The following RBFOX1 variants were observed in gnomAD, a reference collection of about 807,000 sequenced individuals.
RBFOX1 encodes the protein RNA binding fox-1 homolog 1, also known as RNA binding protein fox-1 homolog 1.
RBFOX1 carries 8 observed loss-of-function variants against 57.7 expected under a neutral mutation model. The observed-to-expected ratio is 0.14, with a 90% CI of 0.08 to 0.25. RBFOX1 has a LOEUF of 0.25. Among genes scored for constraint, RBFOX1 ranks in the 10% least tolerant of loss-of-function variants. The pLI is 1.00. For synonymous variants in RBFOX1, 326 were observed against 222.4 expected (o/e 1.47, Z -4.15); for missense variants, 611 against 548.5 (o/e 1.11, Z -1.14).
At chr16:7,705,256 C>G (rs973989077) in intron 14 of RBFOX1, among the ~76,000 whole-genome samples, 9 of 150,824 alleles carry the variant, frequency 6.0e-5, no homozygotes, top group African/African-American at 2.2e-4. Flanking sequence ...CGTGTAATCC[C>G]AGCACTTTGG....
chr16:6,727,167 T>A (rs1029883702), intron 3 of RBFOX1, among the ~76,000 whole-genome samples: 8 of 150,914 alleles, frequency 5.3e-5, no homozygotes, highest in African/African-American at 1.9e-4. Context: ...AAGTCGCAAT[T>A]CCATAGAAAG....
In RBFOX1 at chr16:6,363,804, C is replaced by T. The variant is rs369279779; in HGVS notation, c.-64+46747C>T. Among the ~76,000 whole-genome samples, 6 of 152,248 alleles carry T rather than the reference C, an allele frequency of 3.9e-5. No homozygotes were observed. In the South Asian group the frequency reaches 1.2e-3, roughly 32 times the overall value. ...TTGTGTCCATGTAAAATCAGACCCTCTTGTTACTTTTTAATGAAGTCTGTC... is the reference window on the plus strand; with the variant it reads ...TTGTGTCCATGTAAAATCAGACCCTTTTGTTACTTTTTAATGAAGTCTGTC... On this transcript the variant is annotated intron_variant, in intron 2 of 15. Transcript: ENST00000550418.
intron 2 of RBFOX1, among the ~76,000 whole-genome samples, chr16:5,537,815 C>T (rs143075943): frequency 1.1e-3 from 167 of 152,308 alleles, no homozygotes; most frequent in Non-Finnish European, 3.1e-4. Context: ...CCAAGATAAT[C>T]TCCTTCTCTC....
chr16:5,919,592 C>T (rs939831663), intron 4 of RBFOX1, among the ~76,000 whole-genome samples: 1 of 152,192 alleles, frequency 6.6e-6, no homozygotes, highest in Non-Finnish European at 1.5e-5. Context: ...GATCCGCATG[C>T]CTCGGCCTCC....
intron 2 of RBFOX1, chr16:6,576,922 G>C (rs1187301864): frequency 6.6e-6 from 1 of 152,164 alleles, no homozygotes; most frequent in African/African-American, 2.4e-5. Context: ...CAAAGATAAA[G>C]AACCTGTAAA....
intron 4 of RBFOX1, among the ~76,000 whole-genome samples, chr16:7,300,154 A>G (rs188656948): frequency 6.6e-6 from 1 of 152,240 alleles, no homozygotes; most frequent in Admixed American, 6.5e-5. Context: ...TGCTTCCCAC[A>G]GCACTCACCA....
At chr16:6,705,673 A>T (rs1393988712) in intron 3 of RBFOX1, 1 of 152,110 alleles carries the variant, frequency 6.6e-6, no homozygotes, top group Non-Finnish European at 1.5e-5. Flanking sequence ...AACAACAACA[A>T]AGCCACTGTG....
intron 3 of RBFOX1, among the ~76,000 whole-genome samples, chr16:7,028,803 C>G (rs183362273): frequency 6.6e-6 from 1 of 150,860 alleles, no homozygotes; most frequent in Non-Finnish European, 1.5e-5. Flanking sequence ...CAAACATTGG[C>G]GATCAACAAA....
At chr16:7,328,288 T>C (rs979612590) in intron 4 of RBFOX1, among the ~76,000 whole-genome samples, 2 of 152,008 alleles carry the variant, frequency 1.3e-5, no homozygotes, top group African/African-American at 4.8e-5. Context: ...AAGACAATCC[T>C]GGCCAACGTG....
At chr16:5,509,043 G>T (rs1389482401) in intron 2 of RBFOX1, among the ~76,000 whole-genome samples, 1 of 152,212 alleles carries the variant, frequency 6.6e-6, no homozygotes, top group African/African-American at 2.4e-5. Flanking sequence ...ACTCAGTCAT[G>T]TTGGACACTA....
At chr16:6,861,064 C>T (rs933776045) in intron 3 of RBFOX1, among the ~76,000 whole-genome samples, 7 of 152,100 alleles carry the variant, frequency 4.6e-5, no homozygotes, top group African/African-American at 1.4e-4. Context: ...GCGAGAGTGA[C>T]TGACAAGGAT....
At chr16:5,443,855 C>CT (rs138564992) in intron 1 of RBFOX1, among the ~76,000 whole-genome samples, 1 of 152,108 alleles carries the variant, frequency 6.6e-6, no homozygotes, top group Non-Finnish European at 1.5e-5. Flanking sequence ...AAAGTCTGGG[C>CT]TTTTTTTCCC....
At chr16:6,863,150 T>A (rs1024792377) in intron 3 of RBFOX1, among the ~76,000 whole-genome samples, 1 of 151,958 alleles carries the variant, frequency 6.6e-6, no homozygotes, top group Non-Finnish European at 1.5e-5. Context: ...AAGCAGGGGA[T>A]CAAAAGTCTA....
At chr16:5,323,516 C>G (rs764954945) in intron 1 of RBFOX1, among the ~76,000 whole-genome samples, 18 of 152,360 alleles carry the variant, frequency 1.2e-4, no homozygotes, top group Middle Eastern at 3.4e-3. Context: ...GCCTCATTGT[C>G]TCTGCCCCAC....
At chr16:7,393,353 C>T (rs142331805) in intron 4 of RBFOX1, among the ~76,000 whole-genome samples, 1 of 152,286 alleles carries the variant, frequency 6.6e-6, no homozygotes, top group Non-Finnish European at 1.5e-5. Flanking sequence ...TTGCTCACCT[C>T]TGGATGTCAA....
At chr16:6,832,149 A>C (rs2092752649) in intron 3 of RBFOX1, among the ~76,000 whole-genome samples, 1 of 152,196 alleles carries the variant, frequency 6.6e-6, no homozygotes, top group Admixed American at 6.5e-5. Context: ...CTGCGATTCA[A>C]CTTTGTTCCT....
intron 4 of RBFOX1, among the ~76,000 whole-genome samples, chr16:7,258,251 G>T (rs76162554): frequency 0.013 from 1,991 of 152,266 alleles, 46 homozygotes; most frequent in African/African-American, 0.045. Flanking sequence ...TTTCAGTTCA[G>T]TGTCCTTCTT....
At chr16:6,842,603 C>A (rs368225595) in intron 3 of RBFOX1, among the ~76,000 whole-genome samples, 1 of 150,668 alleles carries the variant, frequency 6.6e-6, no homozygotes, top group East Asian at 2.0e-4. Flanking sequence ...ATTTATGTAT[C>A]CAGTTTCCTG....
chr16:7,709,215 C>G (rs1369134100), intron 15 of RBFOX1, 84 bp downstream of exon 15: 4 of 1,278,220 alleles, frequency 3.1e-6, no homozygotes, highest in Non-Finnish European at 4.4e-6. Flanking sequence ...GGTTGACGTC[C>G]TCTCACTTCC....
Sources: allele counts gnomAD v4.1 joint callset (sites outside exome capture counted in the v4.1 genomes callset), GRCh38; gene constraint gnomAD v4.1.1; transcripts MANE v1.5; gene names NCBI Gene and HGNC (gene_info 2026-07-23, HGNC 2026-07-21).